Variants in DNAH8 observed in about 807,000 individuals in gnomAD.
DNAH8 encodes the protein dynein axonemal heavy chain 8, also known as axonemal beta dynein heavy chain 8.
A neutral mutation model predicts 562.1 loss-of-function variants in DNAH8; 382 were observed. The observed-to-expected ratio is 0.68, with a 90% confidence interval of 0.63 to 0.74. The LOEUF is 0.74. Ranked by LOEUF, DNAH8 falls within the 30% of genes least tolerant of loss-of-function variation. The pLI, the probability that DNAH8 is intolerant of heterozygous loss-of-function variation, is 0.00. For synonymous variants in DNAH8, 1,881 were observed against 1,919.4 expected (o/e 0.98, Z 0.52); for missense variants, 5,203 against 5,620.4 (o/e 0.93, Z 2.37).
chr6:38,965,285 A>G (rs972719426), intron 82 of DNAH8, among the ~76,000 whole-genome samples: 2 of 152,082 alleles, frequency 1.3e-5, no homozygotes, highest in African/African-American at 4.8e-5. Context: ...GATAGGGATA[A>G]ATAAAGACTA....
intron 1 of DNAH8, among the ~76,000 whole-genome samples, chr6:38,722,273 A>G (rs1020973151): frequency 6.6e-6 from 1 of 152,236 alleles, no homozygotes; most frequent in Admixed American, 6.5e-5. Flanking sequence ...GATGGCAGAC[A>G]GTAGAATGTC....
chr6:38,928,156 C>CAATA (rs1469034359), intron 74 of DNAH8: 1 of 152,176 alleles, frequency 6.6e-6, no homozygotes, highest in East Asian at 1.9e-4. Context: ...TGTAAAGACC[C>CAATA]AATACCAGTC....
intron 77 of DNAH8, among the ~76,000 whole-genome samples, chr6:38,935,977 A>C (rs1261486823): frequency 1.3e-5 from 2 of 151,924 alleles, no homozygotes; most frequent in Non-Finnish European, 2.9e-5. Flanking sequence ...TAGATAACTC[A>C]TTATAGGTTA....
intron 83 of DNAH8, among the ~76,000 whole-genome samples, chr6:38,972,733 C>T (rs28498690): frequency 6.6e-6 from 1 of 152,050 alleles, no homozygotes; most frequent in South Asian, 2.1e-4. Flanking sequence ...GCAGGTGCAG[C>T]CATGTTGCCG....
chr6:38,938,963 CAG>C lies in DNAH8; in HGVS notation c.11987_11988del (p.Glu3996ValfsTer6). 6.2e-7 allele frequency: 1 copy of C among 1,613,418 alleles called. No homozygotes were observed. The highest frequency in any genetic ancestry group is 8.5e-7 in the Non-Finnish European group (1 of 1,179,726). On this transcript the variant is annotated frameshift_variant, in exon 79 of 93. Transcript: ENST00000327475. LOFTEE classifies it high-confidence loss of function. The stretch of plus-strand genomic sequence containing the variant: ...ACCTTCAGAGAGGGACAGTTAAGCA[CAG>C]AGAGTTTCAAGCTCTCATTAAAGGT... ...IDLQRGTVKH[R>X]EFQALIKGGA...
chr6:39,025,338 C>T (rs1237390204), intron 91 of DNAH8, among the ~76,000 whole-genome samples: 2 of 152,222 alleles, frequency 1.3e-5, no homozygotes, highest in Non-Finnish European at 2.9e-5. Context: ...CAGCCTCCCC[C>T]ACACTCCCTC....
chr6:38,909,683 G>A lies in DNAH8; in HGVS notation c.9679G>A (p.Val3227Ile), dbSNP rs1780735206. The A allele has an allele frequency of 6.2e-7, 1 of 1,614,090 alleles. No individual in the cohort carries two copies. The highest frequency in any genetic ancestry group is 8.5e-7 in the Non-Finnish European group (1 of 1,179,980). The change falls in exon 65 of 93, where the codon GTA (valine) becomes ATA (isoleucine). Residue 3227 changes from valine (V) to isoleucine (I), a missense_variant. Physicochemically the swap from Val to Ile is conservative, Grantham distance 29 (BLOSUM62 3). Coordinates refer to ENST00000327475, the MANE Select transcript of DNAH8 (RefSeq NM_001206927.2). ...VCSSEIKRQVVETMGLFHDMV... is the reference protein window; with the variant it reads ...VCSSEIKRQVIETMGLFHDMV... The stretch of plus-strand genomic sequence containing the variant: ...CTCTAGTGAAATTAAAAGACAAGTT[G>A]TAGAAACAATGGGCCTGTTTCATGA...
chr6:38,744,199 CATT>C (rs1345092449), intron 8 of DNAH8: 1 of 152,104 alleles, frequency 6.6e-6, no homozygotes, highest in African/African-American at 2.4e-5. Flanking sequence ...TGGCTGTCCA[CATT>C]ATGTTTGGCA....
At chr6:39,012,752 T>A in intron 91 of DNAH8, 115 bp downstream of exon 91, 1 of 713,848 alleles carries the variant, frequency 1.4e-6, no homozygotes. Flanking sequence ...TGCTGGGTGC[T>A]GCACATAGCC....
intron 71 of DNAH8, 76 bp downstream of exon 71, chr6:38,921,582 G>A (rs1380905188): frequency 7.4e-6 from 11 of 1,476,924 alleles, no homozygotes; most frequent in Non-Finnish European, 1.0e-5. Context: ...TTGGAAATCA[G>A]GCAAATGGTT....
intron 42 of DNAH8, among the ~76,000 whole-genome samples, chr6:38,859,105 T>A (rs2150404064): frequency 6.6e-6 from 1 of 152,368 alleles, no homozygotes; most frequent in African/African-American, 2.4e-5. Flanking sequence ...TGCATTTTAT[T>A]TTTCCATGTA....
At chr6:38,972,792 A>G (rs1763431704) in intron 83 of DNAH8, among the ~76,000 whole-genome samples, 1 of 152,182 alleles carries the variant, frequency 6.6e-6, no homozygotes, top group African/African-American at 2.4e-5. Flanking sequence ...TGGAACACAG[A>G]GTGGGGAACC....
intron 33 of DNAH8, among the ~76,000 whole-genome samples, chr6:38,840,226 G>A (rs1738194): frequency 0.21 from 32,238 of 152,078 alleles, 4,289 homozygotes; most frequent in African/African-American, 0.37. Context: ...AAGACTCAAA[G>A]CTGTTGAAAA....
rs16891420 is a variant in DNAH8 at position 39,012,996 on chromosome 6, T to C, written c.13714+359T>C. On this transcript the variant is annotated intron_variant, in intron 91 of 92. Coordinates refer to ENST00000327475, the MANE Select transcript of DNAH8 (RefSeq NM_001206927.2). ...ATATCAAAAATGAAGCACCAAAAGA[T>C]GCAAAAATTGTTTCCAGGGTTTAGA... Among the ~76,000 whole-genome samples the C allele has an allele frequency of 0.011, 1,691 of 152,252 alleles. 108 individuals carry two copies. In the East Asian group the frequency reaches 0.16, roughly 14 times the overall value.
intron 82 of DNAH8, among the ~76,000 whole-genome samples, chr6:38,962,993 G>A (rs1762711834): frequency 1.3e-5 from 2 of 152,156 alleles, no homozygotes; most frequent in Admixed American, 1.3e-4. Context: ...TTGAGGGTGT[G>A]AGGGATAAAA....
At chr6:38,962,505 T>C (rs939735009) in intron 82 of DNAH8, among the ~76,000 whole-genome samples, 2 of 152,150 alleles carry the variant, frequency 1.3e-5, no homozygotes, top group Non-Finnish European at 2.9e-5. Context: ...TAATATGTGA[T>C]AAGATTTGCA....
At chr6:38,715,998 G>A (rs1222423901) in intron 1 of DNAH8, among the ~76,000 whole-genome samples, 1 of 114,356 alleles carries the variant, frequency 8.7e-6, no homozygotes, top group Non-Finnish European at 1.7e-5. Context: ...TCACTCTGCC[G>A]CCCAGGCTGG....
At chr6:38,862,103 A>G (rs1177932931) in intron 43 of DNAH8, among the ~76,000 whole-genome samples, 177 bp from the exon 44 acceptor site, 3 of 152,178 alleles carry the variant, frequency 2.0e-5, no homozygotes, top group Non-Finnish European at 4.4e-5. Context: ...CTTTGGGCTC[A>G]CTGTAGTACT....
chr6:38,887,337 G>A (rs944798987), intron 57 of DNAH8, among the ~76,000 whole-genome samples: 1 of 152,192 alleles, frequency 6.6e-6, no homozygotes, highest in Admixed American at 6.5e-5. Context: ...ATTATACAAA[G>A]TCAAATGTAG....
Sources: gnomAD v4.1 joint callset for allele counts (sites outside exome capture counted in the v4.1 genomes callset) on GRCh38, gnomAD v4.1.1 for gene constraint, MANE v1.5 for transcripts, NCBI Gene and HGNC (gene_info 2026-07-23, HGNC 2026-07-21) for gene names.